Variants in IPO11 observed in about 807,000 individuals in gnomAD.
IPO11 encodes importin-11.
In IPO11, 66 loss-of-function variants were observed where a neutral mutation model predicts 143.2. That is an observed-to-expected ratio of 0.46 (90% CI 0.38 to 0.57). The LOEUF is 0.57. Ranked by LOEUF, IPO11 falls within the 20% of genes least tolerant of loss-of-function variation. IPO11 has a pLI of 0.00. For missense variants in IPO11, 1,026 were observed against 1,141.0 expected (o/e 0.90, Z 1.45); for synonymous variants, 385 against 377.8 (o/e 1.02, Z -0.22).
At chr5:62,440,700 C>T (rs555169459) in intron 2 of IPO11, among the ~76,000 whole-genome samples, 1 of 151,792 alleles carries the variant, frequency 6.6e-6, no homozygotes, top group Non-Finnish European at 1.5e-5. Context: ...CAGTGGCTCA[C>T]CCCTGTAATC....
chr5:62,605,424 C>A (rs545324502), intron 29 of IPO11, among the ~76,000 whole-genome samples: 1 of 152,298 alleles, frequency 6.6e-6, no homozygotes, highest in South Asian at 2.1e-4. Flanking sequence ...TCTCCCTTTT[C>A]ATTCAGCCTC....
At chr5:62,483,333 C>G in intron 10 of IPO11, 40 bp downstream of exon 10, 1 of 1,226,290 alleles carries the variant, frequency 8.2e-7, no homozygotes, top group Non-Finnish European at 1.1e-6. Context: ...TTATTTTAAT[C>G]TTAAGTGTGA....
intron 5 of IPO11, among the ~76,000 whole-genome samples, chr5:62,466,682 T>G (rs1383766209): frequency 1.3e-5 from 2 of 152,232 alleles, no homozygotes; most frequent in East Asian, 3.8e-4. Context: ...GCATTAAATG[T>G]GCAAAAGCCA....
At chr5:62,422,049 G>T (rs1743532809) in intron 1 of IPO11, among the ~76,000 whole-genome samples, 1 of 152,156 alleles carries the variant, frequency 6.6e-6, no homozygotes, top group East Asian at 1.9e-4. Flanking sequence ...AGGCTGTGTT[G>T]TTATCTCTAT....
chr5:62,615,975 C>T (rs192132810), intron 29 of IPO11, among the ~76,000 whole-genome samples: 5 of 133,772 alleles, frequency 3.7e-5, no homozygotes, highest in Non-Finnish European at 6.1e-5. Flanking sequence ...ATTTGCTGAT[C>T]AAAGATAGGT....
intron 19 of IPO11, among the ~76,000 whole-genome samples, chr5:62,508,852 G>A (rs1206176172): frequency 2.0e-5 from 3 of 152,072 alleles, no homozygotes. Flanking sequence ...GAGAACATGC[G>A]GTGTTTGGTT....
chr5:62,580,639 A>G lies in IPO11; in HGVS notation c.2583-10938A>G, dbSNP rs184337874. 42 of 1,551,502 alleles carry G rather than the reference A, an allele frequency of 2.7e-5. No individual in the cohort carries two copies. In the Middle Eastern group the frequency reaches 5.0e-4, roughly 18 times the overall value. On this transcript the variant is annotated intron_variant, in intron 27 of 29. Coordinates refer to ENST00000325324, the MANE Select transcript of IPO11 (RefSeq NM_016338.5). ...TGGCAGAGCATTACGTTATATTAAC[A>G]TTACAAATTGTGTTACATCTTCAAT...
intron 9 of IPO11, 99 bp downstream of exon 9, chr5:62,476,852 T>A: frequency 8.0e-7 from 1 of 1,247,418 alleles, no homozygotes; most frequent in Non-Finnish European, 1.1e-6. Flanking sequence ...CACTTTAGTG[T>A]AAGGAAACCT....
At chr5:62,516,536 C>T (rs1200214040) in intron 20 of IPO11, among the ~76,000 whole-genome samples, 6 of 152,032 alleles carry the variant, frequency 3.9e-5, no homozygotes, top group Admixed American at 2.6e-4. Context: ...TCAAGTGATC[C>T]GCCCACCTCA....
At chr5:62,456,109 A>G (rs1241554993) in intron 5 of IPO11, among the ~76,000 whole-genome samples, 1 of 151,658 alleles carries the variant, frequency 6.6e-6, no homozygotes. Flanking sequence ...GCTCACTGTA[A>G]CCTCCACCTC....
At chr5:62,605,285 G>A (rs754651228) in intron 29 of IPO11, among the ~76,000 whole-genome samples, 5 of 152,124 alleles carry the variant, frequency 3.3e-5, no homozygotes, top group African/African-American at 4.8e-5. Context: ...GTTCAGAAAG[G>A]CAGATGATTA....
rs988060912 is a variant in IPO11 at position 62,412,869 on chromosome 5, C to A, written c.-67C>A. On this transcript the variant is annotated 5_prime_UTR_variant, in exon 1 of 30. Transcript: ENST00000325324. ...CAGCGTGGGGAGAGGGACCAACCGA[C>A]GCCACTTCGTGTTGGGAAGTGGGAG... 4 of 152,628 alleles carry A rather than the reference C, an allele frequency of 2.6e-5. No homozygotes were observed. The highest frequency in any genetic ancestry group is 5.9e-5 in the Non-Finnish European group (4 of 68,056). The allele number at this position is 152,628 out of a possible 1,614,324, so 9.5% of individuals were successfully genotyped here.
At chr5:62,439,328 A>T (rs1224045835) in intron 2 of IPO11, among the ~76,000 whole-genome samples, 1 of 120,556 alleles carries the variant, frequency 8.3e-6, no homozygotes, top group South Asian at 2.6e-4. Context: ...GCTCTGTCGC[A>T]CAGGCTGGAG....
chr5:62,618,808 G>C (rs2112477862), intron 29 of IPO11, among the ~76,000 whole-genome samples: 1 of 152,220 alleles, frequency 6.6e-6, no homozygotes, highest in Admixed American at 6.5e-5. Flanking sequence ...CTAGTCGGGA[G>C]GCTGTTTTAA....
chr5:62,586,768 AATATATATAT>A (rs56808416), intron 27 of IPO11, among the ~76,000 whole-genome samples: 2 of 28,918 alleles, frequency 6.9e-5, no homozygotes, highest in African/African-American at 1.3e-4. Context: ...AAAAAAAAAA[AATATATATAT>A]ATATATATAT....
chr5:62,601,312 C>T (rs529473808), intron 28 of IPO11: 38 of 152,872 alleles, frequency 2.5e-4, no homozygotes, highest in African/African-American at 9.1e-4. Context: ...ACAGTCATGT[C>T]ATTTGGAACA....
chr5:62,573,179 G>A (rs1360835698), intron 27 of IPO11, among the ~76,000 whole-genome samples: 2 of 151,856 alleles, frequency 1.3e-5, no homozygotes, highest in South Asian at 2.1e-4. Flanking sequence ...CACCACGCCC[G>A]GCTACTTTAA....
chr5:62,475,459 A>G (rs890108678), intron 8 of IPO11, among the ~76,000 whole-genome samples: 1 of 152,182 alleles, frequency 6.6e-6, no homozygotes, highest in African/African-American at 2.4e-5. Context: ...TGCAGTGAGC[A>G]GTGATCTCAT....
At chr5:62,422,770 C>G (rs1333227245) in intron 1 of IPO11, among the ~76,000 whole-genome samples, 1 of 152,186 alleles carries the variant, frequency 6.6e-6, no homozygotes, top group Non-Finnish European at 1.5e-5. Context: ...CCTCCCCTGT[C>G]TATTGTCTTC....
Sources: gnomAD v4.1 joint callset for allele counts (sites outside exome capture counted in the v4.1 genomes callset) on GRCh38, gnomAD v4.1.1 for gene constraint, MANE v1.5 for transcripts, NCBI Gene and HGNC (gene_info 2026-07-23, HGNC 2026-07-21) for gene names.